Variants in ZBTB47 observed in about 807,000 individuals in gnomAD.
ZBTB47 encodes zinc finger and BTB domain containing 47, also known as zinc finger and BTB domain-containing protein 47.
ZBTB47 carries 24 observed loss-of-function variants against 56.6 expected under a neutral mutation model. The observed-to-expected ratio is 0.42, with a 90% confidence interval of 0.31 to 0.60. The LOEUF (loss-of-function observed/expected upper bound fraction) is 0.60. Ranked by LOEUF, ZBTB47 falls within the 20% of genes least tolerant of loss-of-function variation. The pLI is 0.14. For missense variants in ZBTB47, 829 were observed against 1,032.6 expected, an observed-to-expected ratio of 0.80 and a Z score of 2.70; for synonymous variants, 414 against 418.9, an observed-to-expected ratio of 0.99 and a Z score of 0.14.
At position 42,659,210 on chromosome 3, in the gene ZBTB47, G is replaced by T; in HGVS notation, c.855G>T (p.Glu285Asp). 1.3e-6 allele frequency: 2 copies of T among 1,526,492 alleles called. No individual in the cohort carries two copies. The highest frequency in any genetic ancestry group is 8.8e-7 in the Non-Finnish European group (1 of 1,142,094). 94.6% of individuals were successfully genotyped at this position (1,526,492 alleles called of 1,614,324 possible). A position where few individuals can be genotyped will look rare whatever the true frequency, so the allele number is the denominator to read the frequency against. The change falls in exon 2 of 6, where the codon GAG (glutamate) becomes GAT (aspartate). Residue 285 changes from glutamate (E) to aspartate (D), a missense_variant. Glu to Asp is a conservative substitution (Grantham distance 45, BLOSUM62 2). This residue lies in a region of ZBTB47 where 359 missense variants were observed against 359.8 expected (regional missense o/e 1.00). Transcript: ENST00000232974. ...ACGAGGAGGAGGAGGACGACGAGGA[G>T]GAGGAGGAGGAAGAAGAGGAAGAGG... ...HSDEEEEDDEEEEEEEEEEEG... is the reference protein window; with the variant it reads ...HSDEEEEDDEDEEEEEEEEEG...
At position 42,658,950 on chromosome 3, in the gene ZBTB47, G is replaced by C; in HGVS notation, c.595G>C (p.Glu199Gln). 6.7e-7 allele frequency: 1 copy of C among 1,502,332 alleles called. No homozygotes were observed. Among genetic ancestry groups the C allele is most frequent in the South Asian group, 1.3e-5 (1 of 77,880 alleles). 93.1% of individuals were successfully genotyped at this position (1,502,332 alleles called of 1,614,324 possible). A position where few individuals can be genotyped will look rare whatever the true frequency, so the allele number is the denominator to read the frequency against. The change falls in exon 2 of 6, where the codon GAG (glutamate) becomes CAG (glutamine). Residue 199 changes from glutamate to glutamine, a missense_variant. By Grantham distance (29) the Glu-to-Gln change is conservative. Around this residue, in one of 6 missense-constraint regions of ZBTB47, gnomAD observed 359 missense variants for 359.8 expected, o/e 1.00. Transcript: ENST00000232974. ...GGAGGAGAAGGAGGGTGGTGTCGAG[G>C]AGGCCGGTGGGCCCCCAGCCAGCTT... The part of the protein sequence containing the change: ...FKEEKEGGVE[E>Q]AGGPPASLCK...
In ZBTB47 at chr3:42,664,363, G is replaced by A. The variant is rs1490936075; in HGVS notation, c.2009G>A (p.Arg670His). ...YPCDVCGQRFRFSNMLKAHKE... is the reference protein window; with the variant it reads ...YPCDVCGQRFHFSNMLKAHKE... Reference sequence around the variant, plus strand: ...TGCGACGTGTGTGGCCAGCGCTTCCGCTTCTCCAACATGCTCAAGGCCCAC... The same window carrying A: ...TGCGACGTGTGTGGCCAGCGCTTCCACTTCTCCAACATGCTCAAGGCCCAC... The change falls in exon 6 of 6, where the codon CGC (arginine) becomes CAC (histidine). Residue 670 changes from arginine to histidine, a missense_variant. Around this residue, in one of 6 missense-constraint regions of ZBTB47, gnomAD observed 115 missense variants for 117.2 expected, o/e 0.98. Coordinates refer to ENST00000232974, the MANE Select transcript of ZBTB47 (RefSeq NM_145166.4). The A allele has an allele frequency of 6.2e-7, 1 of 1,610,814 alleles. No individual in the cohort carries two copies. Among genetic ancestry groups the A allele is most frequent in the Non-Finnish European group, 8.5e-7 (1 of 1,178,764 alleles).
rs1312746121 is a variant in ZBTB47 at position 42,666,886 on chromosome 3, C to A, written c.*2288C>A. Reference sequence around the variant, plus strand: ...CGGTCACGGGAGCTCTAGGTGGGCACAACCAACCCCTCTCCTGGGAGGCCC... The same window carrying A: ...CGGTCACGGGAGCTCTAGGTGGGCAAAACCAACCCCTCTCCTGGGAGGCCC... On this transcript the variant is annotated 3_prime_UTR_variant, in exon 6 of 6. Coordinates refer to ENST00000232974, the MANE Select transcript of ZBTB47 (RefSeq NM_145166.4). Among the ~76,000 whole-genome samples, 1 of 152,192 alleles carries A rather than the reference C, an allele frequency of 6.6e-6. No individual in the cohort carries two copies. The highest frequency in any genetic ancestry group is 1.5e-5 in the Non-Finnish European group (1 of 68,042).
At chr3:42,657,882 C>G (rs1710657524) in intron 1 of ZBTB47, among the ~76,000 whole-genome samples, 2 of 152,186 alleles carry the variant, frequency 1.3e-5, no homozygotes, top group Admixed American at 1.3e-4. Flanking sequence ...TGCGATGGTC[C>G]TGGTTCTAGC....
Position 42,664,496 on chromosome 3 carries a change from G to A in ZBTB47, c.2142G>A (p.Pro714=), listed in dbSNP as rs1329292267. 7.5e-6 allele frequency: 11 copies of A among 1,462,092 alleles called. No individual in the cohort carries two copies. Among genetic ancestry groups the A allele is most frequent in the Non-Finnish European group, 9.0e-6 (10 of 1,111,260 alleles). The allele number at this position is 1,462,092 out of a possible 1,614,324, so 90.6% of individuals were successfully genotyped here. The change falls in exon 6 of 6, where the codon CCG becomes CCA. Residue 714 remains proline (P), a synonymous_variant. Transcript: ENST00000232974. ...AGGCGCACGCACTGCCCCTGCTCCCGGGGCTGCCCCAGACCCTGCCGCCCC... is the reference window on the plus strand; with the variant it reads ...AGGCGCACGCACTGCCCCTGCTCCCAGGGCTGCCCCAGACCCTGCCGCCCC... The part of the protein sequence containing the change: ...QPQAHALPLL[P]GLPQTLPPPP...
At position 42,667,117 on chromosome 3, in the gene ZBTB47, G is replaced by A. The variant is rs1242175829; in HGVS notation, c.*2519G>A. Among the ~76,000 whole-genome samples, 1 of 152,242 alleles carries A rather than the reference G, an allele frequency of 6.6e-6. No homozygotes were observed. The highest frequency in any genetic ancestry group is 2.4e-5 in the African/African-American group (1 of 41,474). On this transcript the variant is annotated 3_prime_UTR_variant, in exon 6 of 6. Transcript: ENST00000232974. ...ACAAAACAACACAAAAAAACAATGTGCCCCCAGATGTCAGAATGAGGCGAC... is the reference window on the plus strand; with the variant it reads ...ACAAAACAACACAAAAAAACAATGTACCCCCAGATGTCAGAATGAGGCGAC...
intron 2 of ZBTB47, among the ~76,000 whole-genome samples, chr3:42,660,079 CA>C (rs1263435776): frequency 6.6e-6 from 1 of 152,194 alleles, no homozygotes; most frequent in East Asian, 1.9e-4. Context: ...AGGATTGGAA[CA>C]AACAGTACCC....
At position 42,667,019 on chromosome 3, in the gene ZBTB47, A is replaced by T. The variant is rs1353889216; in HGVS notation, c.*2421A>T. Among the ~76,000 whole-genome samples, 1 of 152,256 alleles carries T rather than the reference A, an allele frequency of 6.6e-6. No individual in the cohort carries two copies. ...CGGCCAGACCACAAGGCCAGAAGCA[A>T]TAATGGCACCTCAGCAGTTCCAGTA... On this transcript the variant is annotated 3_prime_UTR_variant, in exon 6 of 6. Transcript: ENST00000232974.
rs957627177 is a variant in ZBTB47, at chr3:42,656,992, T to C, written c.-81-1283T>C. Among the ~76,000 whole-genome samples, 5 of 152,202 alleles carry C rather than the reference T, an allele frequency of 3.3e-5. No homozygotes were observed. The highest frequency in any genetic ancestry group is 6.5e-5 in the Admixed American group (1 of 15,286). On this transcript the variant is annotated intron_variant, in intron 1 of 5. Transcript: ENST00000232974. This position sits in a 1 kb window ranked among gnomAD's most constrained non-coding sequence, Gnocchi z 5.8. ...CCGAATGCAGGAGGCTCAGACCTGG[T>C]TGGGCAGGCCCTGAGGAGAGCCAGA...
chr3:42,664,429 A>ACGG lies in ZBTB47; in HGVS notation c.2078_2080dup (p.Gly693dup). The ACGG allele has an allele frequency of 6.5e-7, 1 of 1,546,166 alleles. No individual in the cohort carries two copies. The highest frequency in any genetic ancestry group is 2.4e-5 in the East Asian group (1 of 41,134). ...CGCGTCAGCCACACCCTGGCCGGCG[A>ACGG]CGGCGTCCCCGCTGCCCCAGGCCTG... On this transcript the variant is annotated inframe_insertion, in exon 6 of 6. Transcript: ENST00000232974.
rs1375768333 is a variant in ZBTB47 at position 42,654,591 on chromosome 3, G to T, written c.-82+708G>T. 7.8e-5 allele frequency: 63 copies of T among 806,190 alleles called. No individual in the cohort carries two copies. The highest frequency in any genetic ancestry group is 9.4e-5 in the Non-Finnish European group (63 of 667,804). The allele number at this position is 806,190 out of a possible 1,614,324, so 49.9% of individuals were successfully genotyped here. ...GGGCCATGGTCGCGGGGCCCTGCGCGGGGGCGGCCCCCAGCGCGGCGCTTC... is the reference window on the plus strand; with the variant it reads ...GGGCCATGGTCGCGGGGCCCTGCGCTGGGGCGGCCCCCAGCGCGGCGCTTC... On this transcript the variant is annotated intron_variant, in intron 1 of 5. Transcript: ENST00000232974. The surrounding 1 kb of genome is among the most constrained non-coding windows in gnomAD (Gnocchi z 5.0).
chr3:42,658,973 C>G lies in ZBTB47; in HGVS notation c.618C>G (p.Ser206Arg). The change falls in exon 2 of 6, where the codon AGC becomes AGG. Residue 206 changes from serine to arginine, a missense_variant. By Grantham distance (110) the Ser-to-Arg change is moderately radical. Transcript: ENST00000232974. Reference sequence around the variant, plus strand: ...AGGAGGCCGGTGGGCCCCCAGCCAGCTTGTGCAAGCTGGAGGGTGGAGAAG... The same window carrying G: ...AGGAGGCCGGTGGGCCCCCAGCCAGGTTGTGCAAGCTGGAGGGTGGAGAAG... The part of the protein sequence containing the change: ...GVEEAGGPPA[S>R]LCKLEGGEEL... 6.6e-7 allele frequency: 1 copy of G among 1,513,474 alleles called. No individual in the cohort carries two copies. The highest frequency in any genetic ancestry group is 8.8e-7 in the Non-Finnish European group (1 of 1,136,560). 93.8% of individuals were successfully genotyped at this position (1,513,474 alleles called of 1,614,324 possible).
At position 42,658,888 on chromosome 3, in the gene ZBTB47, T is replaced by G; in HGVS notation, c.533T>G (p.Val178Gly). ...EDGAGTAGGT[V>G]PATIGPAQPF... ...GGGGCAGGGACTGCTGGTGGCACAG[T>G]GCCTGCCACCATTGGGCCAGCCCAG... is the stretch of plus-strand genomic sequence containing the variant. Residue 178 changes from valine to glycine, a missense_variant, in exon 2 of 6, where the codon GTG (valine) becomes GGG (glycine). Val to Gly is a moderately radical substitution (Grantham distance 109). This residue lies in a region of ZBTB47 where 359 missense variants were observed against 359.8 expected (regional missense o/e 1.00). Coordinates refer to ENST00000232974, the MANE Select transcript of ZBTB47 (RefSeq NM_145166.4). 6.6e-7 allele frequency: 1 copy of G among 1,512,938 alleles called. No individual in the cohort carries two copies. 93.7% of individuals were successfully genotyped at this position (1,512,938 alleles called of 1,614,324 possible).
At position 42,667,208 on chromosome 3, in the gene ZBTB47, GATCTGTGGGGGTCCCACCGTCC is replaced by G. The variant is rs1710800341; in HGVS notation, c.*2616_*2637del. On this transcript the variant is annotated 3_prime_UTR_variant, in exon 6 of 6. Coordinates refer to ENST00000232974, the MANE Select transcript of ZBTB47 (RefSeq NM_145166.4). ...ACGCAGGATCATCCCCTCCCAAGGA[GATCTGTGGGGGTCCCACCGTCC>G]ATCTGGACTTCTCAGCCTGTTTGGC... 6.6e-6 allele frequency among the ~76,000 whole-genome samples: 1 copy of G among 152,210 alleles called. No individual in the cohort carries two copies. The highest frequency in any genetic ancestry group is 1.5e-5 in the Non-Finnish European group (1 of 68,042).
At chr3:42,661,010 C>T (rs146387871) in intron 2 of ZBTB47, among the ~76,000 whole-genome samples, 7 of 152,290 alleles carry the variant, frequency 4.6e-5, no homozygotes, top group African/African-American at 9.6e-5. Context: ...CCTCAGCCAA[C>T]GCCTCTGGGA....
rs1360513356 is a variant in ZBTB47 at position 42,666,033 on chromosome 3, C to T, written c.*1435C>T. 6.6e-6 allele frequency among the ~76,000 whole-genome samples: 1 copy of T among 152,226 alleles called. No individual in the cohort carries two copies. Among genetic ancestry groups the T allele is most frequent in the Non-Finnish European group, 1.5e-5 (1 of 68,038 alleles). On this transcript the variant is annotated 3_prime_UTR_variant, in exon 6 of 6. Coordinates refer to ENST00000232974, the MANE Select transcript of ZBTB47 (RefSeq NM_145166.4). ...CCAGCATGGCTGGAGTGGGAAGAGG[C>T]TTGGGCCCCGGGGGAATGGTTAGGG...
chr3:42,656,467 A>G lies in ZBTB47; in HGVS notation c.-81-1808A>G, dbSNP rs912013284. Among the ~76,000 whole-genome samples the G allele has an allele frequency of 7.9e-5, 12 of 151,960 alleles. No homozygotes were observed. Among genetic ancestry groups the G allele is most frequent in the Non-Finnish European group, 1.5e-4 (10 of 67,988 alleles). On this transcript the variant is annotated intron_variant, in intron 1 of 5. Coordinates refer to ENST00000232974, the MANE Select transcript of ZBTB47 (RefSeq NM_145166.4). The surrounding 1 kb of genome is among the most constrained non-coding windows in gnomAD (Gnocchi z 5.8). ...AATCAGAATGAGTCAGAGGAGGGAG[A>G]TGGGAGGGGCTTGGTGCCACGTCCC...
chr3:42,664,476 C>T lies in ZBTB47; in HGVS notation c.2122C>T (p.His708Tyr). ...CCTGCCCCCAACCCAGCCCCAGGCG[C>T]ACGCACTGCCCCTGCTCCCGGGGCT... ...PGLPPTQPQA[H>Y]ALPLLPGLPQ... Residue 708 changes from histidine to tyrosine, a missense_variant, in exon 6 of 6, where the codon CAC becomes TAC. This residue lies in a region of ZBTB47 where 115 missense variants were observed against 117.2 expected (regional missense o/e 0.98). Coordinates refer to ENST00000232974, the MANE Select transcript of ZBTB47 (RefSeq NM_145166.4). 6.6e-7 allele frequency: 1 copy of T among 1,511,852 alleles called. No homozygotes were observed. The highest frequency in any genetic ancestry group is 2.5e-5 in the East Asian group (1 of 40,438). 93.7% of individuals were successfully genotyped at this position (1,511,852 alleles called of 1,614,324 possible). A position where few individuals can be genotyped will look rare whatever the true frequency, so the allele number is the denominator to read the frequency against.
In ZBTB47 at chr3:42,659,594, A is replaced by T; in HGVS notation, c.1239A>T (p.Ala413=). ...AGCCACCCCCTGGAGTGGCCTCTGC[A>T]TCGGCCCGAGGGCCGCCAGCCACTG... ...RPKPPPGVAS[A]SARGPPATDG... The change falls in exon 2 of 6, where the codon GCA becomes GCT. Residue 413 remains alanine, a synonymous_variant. Coordinates refer to ENST00000232974, the MANE Select transcript of ZBTB47 (RefSeq NM_145166.4). The T allele has an allele frequency of 6.2e-7, 1 of 1,600,758 alleles. No homozygotes were observed. The highest frequency in any genetic ancestry group is 8.5e-7 in the Non-Finnish European group (1 of 1,174,286).
Sources: allele counts gnomAD v4.1 joint callset (sites outside exome capture counted in the v4.1 genomes callset), GRCh38; gene constraint gnomAD v4.1.1; regional missense constraint gnomAD v4.1.1; non-coding constraint Gnocchi (gnomAD v3.1); transcripts MANE v1.5; gene names NCBI Gene and HGNC (gene_info 2026-07-23, HGNC 2026-07-21).